The following NAV3 variants were observed in gnomAD, a reference collection of about 807,000 sequenced individuals.
NAV3 encodes pore membrane and/or filament interacting like protein 1.
A neutral mutation model predicts 244.7 loss-of-function variants in NAV3; 87 were observed. The observed-to-expected ratio is 0.36, with a 90% CI of 0.30 to 0.42. The LOEUF (loss-of-function observed/expected upper bound fraction) is 0.42. Ranked by LOEUF, NAV3 falls within the 20% of genes least tolerant of loss-of-function variation. The probability of loss-of-function intolerance (pLI) is 1.00; values close to 1 mark genes in which losing one functional copy is unlikely to be tolerated. For missense variants in NAV3, 2,663 were observed against 2,893.3 expected, an observed-to-expected ratio of 0.92 and a Z score of 1.83; for synonymous variants, 1,126 against 1,042.2, an observed-to-expected ratio of 1.08 and a Z score of -1.55.
intron 1 of NAV3, among the ~76,000 whole-genome samples, chr12:77,853,878 C>A (rs1393360145): frequency 1.3e-5 from 2 of 152,096 alleles, no homozygotes; most frequent in Non-Finnish European, 2.9e-5. Flanking sequence ...CTAATATAGT[C>A]TTTTGTTCAC....
At chr12:77,636,058 A>G (rs1872138269) in intron 2 of NAV3, among the ~76,000 whole-genome samples, 8 of 152,234 alleles carry the variant, frequency 5.3e-5, no homozygotes, top group Admixed American at 5.2e-4. Flanking sequence ...GAAGACATTT[A>G]TGCGACCAGC....
chr12:78,090,636 A>G (rs139196445), intron 12 of NAV3, among the ~76,000 whole-genome samples: 1 of 152,242 alleles, frequency 6.6e-6, no homozygotes, highest in Non-Finnish European at 1.5e-5. Flanking sequence ...CTTCCTTTGT[A>G]GGTTCTGGTT....
intron 1 of NAV3, among the ~76,000 whole-genome samples, chr12:77,875,557 T>C (rs1159961988): frequency 6.6e-6 from 1 of 152,082 alleles, no homozygotes; most frequent in Non-Finnish European, 1.5e-5. Flanking sequence ...ACACAAACAA[T>C]AAATATTTGT....
chr12:77,729,471 A>C (rs1457471968), intron 2 of NAV3, among the ~76,000 whole-genome samples: 2 of 151,982 alleles, frequency 1.3e-5, no homozygotes, highest in African/African-American at 4.8e-5. Flanking sequence ...AAGAATTAAA[A>C]CCTACAAGAA....
At chr12:77,962,295 C>T (rs1272387842) in intron 3 of NAV3, among the ~76,000 whole-genome samples, 1 of 152,096 alleles carries the variant, frequency 6.6e-6, no homozygotes, top group Non-Finnish European at 1.5e-5. Context: ...TAGATCTCCA[C>T]CCCAACCTCT....
rs1483816667 is a variant in NAV3 at position 77,766,737 on chromosome 12, T to TTG, written c.73-173581_73-173580insGT. Among the ~76,000 whole-genome samples, 23 of 18,492 alleles carry TTG rather than the reference T, an allele frequency of 1.2e-3. 7 individuals carry two copies. Among genetic ancestry groups the TTG allele is most frequent in the Admixed American group, 2.2e-3 (4 of 1,800 alleles). 12.1% of individuals were successfully genotyped at this position (18,492 alleles called of 152,430 possible). Reference sequence around the variant, plus strand: ...GATTCTAAAAAACAGGCAATTAAGTTTTTTTTTTTTTTTTTTTTTTTTTTT... The same window carrying TTG: ...GATTCTAAAAAACAGGCAATTAAGTTTGTTTTTTTTTTTTTTTTTTTTTTTTT... On this transcript the variant is annotated intron_variant, in intron 2 of 8. Transcript: ENST00000550042.
chr12:77,677,300 A>G (rs931305217), intron 2 of NAV3, among the ~76,000 whole-genome samples: 1 of 152,236 alleles, frequency 6.6e-6, no homozygotes, highest in African/African-American at 2.4e-5. Context: ...TATCCATTAC[A>G]AAAACTTATT....
intron 12 of NAV3, among the ~76,000 whole-genome samples, chr12:78,085,818 A>T (rs1186716429): frequency 1.3e-5 from 2 of 152,084 alleles, no homozygotes; most frequent in African/African-American, 4.8e-5. Flanking sequence ...TATAACTACA[A>T]GACAGAGAGT....
chr12:78,091,878 AAGAC>A (rs1241160503), intron 12 of NAV3: 4 of 152,078 alleles, frequency 2.6e-5, no homozygotes, highest in Non-Finnish European at 4.4e-5. Context: ...TTTTTAAACA[AAGAC>A]AGAATATACA....
chr12:78,016,247 A>C (rs893859829), intron 8 of NAV3, among the ~76,000 whole-genome samples: 2 of 152,084 alleles, frequency 1.3e-5, no homozygotes, highest in African/African-American at 2.4e-5. Flanking sequence ...TTATGTATGC[A>C]TACACACACA....
intron 9 of NAV3, among the ~76,000 whole-genome samples, chr12:78,038,961 A>G (rs1363306379): frequency 6.6e-6 from 1 of 152,150 alleles, no homozygotes; most frequent in Non-Finnish European, 1.5e-5. Flanking sequence ...AACTTGAAGC[A>G]TTTTGGTCAG....
chr12:77,753,686 A>T (rs972236719), intron 2 of NAV3, among the ~76,000 whole-genome samples: 3 of 152,194 alleles, frequency 2.0e-5, no homozygotes, highest in African/African-American at 7.2e-5. Flanking sequence ...GCCCATCACT[A>T]TTGTTCCACA....
chr12:77,626,242 G>C (rs1871614541), intron 2 of NAV3, among the ~76,000 whole-genome samples: 1 of 148,346 alleles, frequency 6.7e-6, no homozygotes, highest in Non-Finnish European at 1.5e-5. Context: ...AAATAATCTA[G>C]TCAGACCAGA....
chr12:78,090,276 A>C (rs2137995647), intron 12 of NAV3, among the ~76,000 whole-genome samples: 1 of 150,046 alleles, frequency 6.7e-6, no homozygotes, highest in South Asian at 2.1e-4. Flanking sequence ...ATAAAGTTGA[A>C]TTAAATTGAA....
intron 31 of NAV3, among the ~76,000 whole-genome samples, chr12:78,187,726 A>G (rs768231858): frequency 3.9e-5 from 6 of 151,930 alleles, no homozygotes; most frequent in Non-Finnish European, 5.9e-5. Context: ...ATTATCATAG[A>G]TAACACATTT....
At chr12:78,195,091 C>T (rs988595322) in intron 34 of NAV3, among the ~76,000 whole-genome samples, 3 of 151,948 alleles carry the variant, frequency 2.0e-5, no homozygotes, top group Non-Finnish European at 4.4e-5. Context: ...TTCTATCTTT[C>T]ACATTTCTGT....
At chr12:77,822,236 T>C (rs10160931) in intron 2 of NAV3, among the ~76,000 whole-genome samples, 17 of 152,028 alleles carry the variant, frequency 1.1e-4, no homozygotes, top group Non-Finnish European at 7.4e-5. Context: ...ATAAACAATT[T>C]CCACCTCTCC....
intron 2 of NAV3, among the ~76,000 whole-genome samples, chr12:77,646,716 G>A (rs750011944): frequency 3.9e-5 from 6 of 152,080 alleles, no homozygotes; most frequent in Admixed American, 6.6e-5. Context: ...TTGGGGGTGT[G>A]CAGGATAGGA....
At chr12:77,847,950 C>T (rs1347043487) in intron 1 of NAV3, among the ~76,000 whole-genome samples, 2 of 152,190 alleles carry the variant, frequency 1.3e-5, no homozygotes, top group African/African-American at 4.8e-5. Context: ...CTTTTGAATG[C>T]TGTTGTGTAA....
Sources: gnomAD v4.1 joint callset for allele counts (sites outside exome capture counted in the v4.1 genomes callset) on GRCh38, gnomAD v4.1.1 for gene constraint, MANE v1.5 for transcripts, NCBI Gene and HGNC (gene_info 2026-07-23, HGNC 2026-07-21) for gene names.